The following RIMBP2 variants were observed in gnomAD, a reference collection of about 807,000 sequenced individuals.
The protein encoded by RIMBP2 is RIMS-binding protein 2.
In RIMBP2, 48 loss-of-function variants were observed where a neutral mutation model predicts 118.6. That is an observed-to-expected ratio of 0.40 (90% confidence interval 0.32 to 0.51). RIMBP2 has a LOEUF of 0.51. Ranked by LOEUF, RIMBP2 falls within the 20% of genes least tolerant of loss-of-function variation. The pLI is 0.41. For missense variants in RIMBP2, 1,551 were observed against 1,768.3 expected (o/e 0.88, Z 2.20); for synonymous variants, 762 against 742.9 (o/e 1.03, Z -0.42).
At chr12:130,593,026 G>A (rs1437799116) in intron 2 of RIMBP2, among the ~76,000 whole-genome samples, 1 of 152,196 alleles carries the variant, frequency 6.6e-6, no homozygotes, top group Non-Finnish European at 1.5e-5. Flanking sequence ...CTTCCGCTCG[G>A]ATAGAATCCA....
At chr12:130,480,111 A>G (rs78622439) in intron 4 of RIMBP2, among the ~76,000 whole-genome samples, 4,606 of 151,932 alleles carry the variant, frequency 0.03, 235 homozygotes, top group African/African-American at 0.1. Context: ...ACAGTCACAG[A>G]AAACATTTCC....
At chr12:130,510,150 C>T (rs1252890324) in intron 3 of RIMBP2, among the ~76,000 whole-genome samples, 3 of 152,190 alleles carry the variant, frequency 2.0e-5, no homozygotes, top group East Asian at 1.9e-4. Flanking sequence ...AAGAAATCAC[C>T]GGGCACCGGA....
At chr12:130,430,105 C>T (rs2077060676) in intron 14 of RIMBP2, 1 of 152,270 alleles carries the variant, frequency 6.6e-6, no homozygotes, top group South Asian at 2.1e-4. Context: ...GCAAAGGTCA[C>T]CAGCATTTCA....
intron 2 of RIMBP2, among the ~76,000 whole-genome samples, chr12:130,591,771 C>G (rs1226665435): frequency 6.6e-6 from 1 of 152,198 alleles, no homozygotes; most frequent in Non-Finnish European, 1.5e-5. Flanking sequence ...TGCAAAGACC[C>G]TTTTTCCAAA....
chr12:130,642,131 A>G (rs1386404414), intron 1 of RIMBP2, among the ~76,000 whole-genome samples: 3 of 152,090 alleles, frequency 2.0e-5, no homozygotes, highest in Non-Finnish European at 4.4e-5. Flanking sequence ...AGATCTTTGC[A>G]TTGGTACTCA....
At chr12:130,691,486 A>G (rs921885725) in intron 1 of RIMBP2, among the ~76,000 whole-genome samples, 1 of 152,160 alleles carries the variant, frequency 6.6e-6, no homozygotes, top group Non-Finnish European at 1.5e-5. Context: ...CCTGGGCAAC[A>G]CAGTGAGGCC....
At chr12:130,527,918 G>A (rs898761463) in intron 2 of RIMBP2, among the ~76,000 whole-genome samples, 12 of 152,082 alleles carry the variant, frequency 7.9e-5, no homozygotes, top group African/African-American at 2.4e-4. Context: ...TCAGAATGGC[G>A]ATTACTAAAA....
intron 1 of RIMBP2, among the ~76,000 whole-genome samples, chr12:130,682,013 T>G (rs1332579733): frequency 6.6e-6 from 1 of 152,226 alleles, no homozygotes. Context: ...GTATTTCTTA[T>G]GCATACATGT....
At chr12:130,492,331 T>C (rs2048715889) in intron 4 of RIMBP2, among the ~76,000 whole-genome samples, 1 of 152,146 alleles carries the variant, frequency 6.6e-6, no homozygotes, top group Admixed American at 6.5e-5. Context: ...AGAATGAGAA[T>C]GTGTGTGAAA....
In RIMBP2 at chr12:130,661,410, A is replaced by G. The variant is rs557155518; in HGVS notation, c.-351-32954T>C. Among the ~76,000 whole-genome samples the G allele has an allele frequency of 3.9e-5, 6 of 152,316 alleles. No individual in the cohort carries two copies. The East Asian group carries it at 7.7e-4, about 20-fold the overall frequency. On this transcript the variant is annotated intron_variant, in intron 1 of 22. Coordinates refer to ENST00000690449, the MANE Select transcript of RIMBP2 (RefSeq NM_001393629.1). ...GAGTTATACAAAAAGGCTCCTTTCC[A>G]TGGCCCTCTAGCCCAGAAGCATGTG... is the stretch of plus-strand genomic sequence containing the variant.
At chr12:130,606,146 C>T (rs2060171148) in intron 2 of RIMBP2, among the ~76,000 whole-genome samples, 1 of 151,874 alleles carries the variant, frequency 6.6e-6, no homozygotes, top group Non-Finnish European at 1.5e-5. Flanking sequence ...AAAGTATGAA[C>T]AATAACAACT....
chr12:130,605,937 G>A (rs1240041286), intron 2 of RIMBP2, among the ~76,000 whole-genome samples: 1 of 152,006 alleles, frequency 6.6e-6, no homozygotes, highest in East Asian at 1.9e-4. Flanking sequence ...GCATGGTGGT[G>A]GGAGCCTGTA....
At chr12:130,531,683 T>C (rs1178408496) in intron 2 of RIMBP2, among the ~76,000 whole-genome samples, 2 of 152,246 alleles carry the variant, frequency 1.3e-5, no homozygotes, top group African/African-American at 4.8e-5. Context: ...ATTACTCACC[T>C]AGGAATAGAA....
chr12:130,608,023 A>T (rs184878340), intron 2 of RIMBP2, among the ~76,000 whole-genome samples: 7 of 152,286 alleles, frequency 4.6e-5, no homozygotes, highest in African/African-American at 1.4e-4. Flanking sequence ...CCACTGAAGT[A>T]AATATGCTCA....
chr12:130,653,455 C>CTGTGGCTTTG (rs1435615106), intron 1 of RIMBP2, among the ~76,000 whole-genome samples: 1 of 152,228 alleles, frequency 6.6e-6, no homozygotes, highest in Non-Finnish European at 1.5e-5. Flanking sequence ...GGTGCAGCTC[C>CTGTGGCTTTG]CACGGCTGCT....
chr12:130,632,844 A>G (rs1281641430), intron 1 of RIMBP2, among the ~76,000 whole-genome samples: 2 of 152,234 alleles, frequency 1.3e-5, no homozygotes, highest in Non-Finnish European at 2.9e-5. Context: ...GTTTTAATTA[A>G]CAGAGCCATT....
intron 2 of RIMBP2, among the ~76,000 whole-genome samples, chr12:130,553,864 G>A (rs2056081477): frequency 6.6e-6 from 1 of 152,232 alleles, no homozygotes; most frequent in African/African-American, 2.4e-5. Flanking sequence ...TGGAGAAACT[G>A]TTAGGAAACT....
At chr12:130,441,401 A>AAATAATAATAATCATAAT (rs772275549) in intron 11 of RIMBP2, among the ~76,000 whole-genome samples, 77 of 122,894 alleles carry the variant, frequency 6.3e-4, no homozygotes, top group Middle Eastern at 4.6e-3. Flanking sequence ...ACTCCATCTC[A>AAATAATAATAATCATAAT]AATAATAATA....
Position 130,447,891 on chromosome 12 carries a change from C to T in RIMBP2, c.581+2309G>A, listed in dbSNP as rs909192095. Among the ~76,000 whole-genome samples the T allele has an allele frequency of 2.6e-5, 4 of 152,150 alleles. No individual in the cohort carries two copies. Among genetic ancestry groups the T allele is most frequent in the Admixed American group, 2.6e-4 (4 of 15,278 alleles). On this transcript the variant is annotated intron_variant, in intron 9 of 22. Coordinates refer to ENST00000690449, the MANE Select transcript of RIMBP2 (RefSeq NM_001393629.1). The surrounding 1 kb of genome is among the most constrained non-coding windows in gnomAD (Gnocchi z 4.4). ...CACCCAGAGTGAGCGCCCAGGTGAG[C>T]AAGAGGCTTTCGGTTTGCAGAAATG...
Sources: gnomAD v4.1 joint callset for allele counts (sites outside exome capture counted in the v4.1 genomes callset) on GRCh38, gnomAD v4.1.1 for gene constraint, Gnocchi (gnomAD v3.1) non-coding constraint, MANE v1.5 for transcripts, NCBI Gene and HGNC (gene_info 2026-07-23, HGNC 2026-07-21) for gene names.